Variants in CCDC47 observed in about 807,000 individuals in gnomAD.
CCDC47 encodes the protein coiled-coil domain containing 47.
In CCDC47, 41 loss-of-function variants were observed where a neutral mutation model predicts 60.5. The observed-to-expected ratio is 0.68, with a 90% CI of 0.53 to 0.88. The LOEUF is 0.88. Ranked by LOEUF, CCDC47 falls within the 40% of genes least tolerant of loss-of-function variation. CCDC47 has a pLI of 0.00. For missense variants in CCDC47, 513 were observed against 580.9 expected, an observed-to-expected ratio of 0.88 and a Z score of 1.20; for synonymous variants, 195 against 190.7, an observed-to-expected ratio of 1.02 and a Z score of -0.18.
At chr17:63,769,053 T>C (rs973654274) in intron 1 of CCDC47, among the ~76,000 whole-genome samples, 2 of 148,392 alleles carry the variant, frequency 1.3e-5, no homozygotes, top group Non-Finnish European at 3.0e-5. Flanking sequence ...CACTGCACTC[T>C]AGCCCGGGTG....
In CCDC47 at chr17:63,746,704, G is replaced by GT; in HGVS notation, c.*176dup. 1 of 472,340 alleles carries GT rather than the reference G, an allele frequency of 2.1e-6. No homozygotes were observed. The highest frequency in any genetic ancestry group is 3.1e-5 in the East Asian group (1 of 31,996). The allele number at this position is 472,340 out of a possible 1,614,324, so 29.3% of individuals were successfully genotyped here. On this transcript the variant is annotated 3_prime_UTR_variant, in exon 13 of 13. Coordinates refer to ENST00000225726, the MANE Select transcript of CCDC47 (RefSeq NM_020198.3). ...ATTCTTGAAACAGAGCCCTTTCCAG[G>GT]TATCTTCAATCTCTGTAAAACCCCA...
intron 4 of CCDC47, chr17:63,761,696 CAAA>C (rs11429721): frequency 1.3e-4 from 33 of 261,170 alleles, no homozygotes; most frequent in Non-Finnish European, 1.8e-4. Context: ...GACTCTGTCT[CAAA>C]AAAAAAAAAA....
At chr17:63,763,001 A>C (rs898830482) in intron 4 of CCDC47, among the ~76,000 whole-genome samples, 1 of 152,186 alleles carries the variant, frequency 6.6e-6, no homozygotes, top group Non-Finnish European at 1.5e-5. Flanking sequence ...GTACCACTGC[A>C]GCCTCAAACT....
At chr17:63,758,827 G>A (rs952459113) in intron 6 of CCDC47, among the ~76,000 whole-genome samples, 4 of 152,012 alleles carry the variant, frequency 2.6e-5, no homozygotes, top group Non-Finnish European at 2.9e-5. Context: ...AAAAGAAAAC[G>A]TTTTCTGCTC....
chr17:63,765,603 G>A, intron 2 of CCDC47: 1 of 747,552 alleles, frequency 1.3e-6, no homozygotes, highest in Non-Finnish European at 1.6e-6. Flanking sequence ...GCCTCCCAAA[G>A]TGCTGGGATT....
intron 8 of CCDC47, 106 bp downstream of exon 8, chr17:63,756,134 A>T: frequency 1.4e-6 from 1 of 731,928 alleles, no homozygotes. Flanking sequence ...AGGAATGTAA[A>T]ACTAATACAT....
chr17:63,748,168 T>TG (rs987828892), intron 12 of CCDC47, among the ~76,000 whole-genome samples: 3 of 151,840 alleles, frequency 2.0e-5, no homozygotes, highest in Non-Finnish European at 4.4e-5. Flanking sequence ...TTTTTTTTTT[T>TG]GTTTGTGTTT....
In CCDC47 at chr17:63,759,560, T is replaced by A. The variant is rs867418774; in HGVS notation, c.735+1354A>T. On this transcript the variant is annotated intron_variant, in intron 6 of 12. Transcript: ENST00000225726. The stretch of plus-strand genomic sequence containing the variant: ...ATATATATATATATATATATATATA[T>A]ATATATATATATATATAAAACAATG... Among the ~76,000 whole-genome samples, 201 of 61,478 alleles carry A rather than the reference T, an allele frequency of 3.3e-3. 29 individuals are homozygous for A. Among genetic ancestry groups the A allele is most frequent in the East Asian group, 6.8e-3 (15 of 2,190 alleles). 40.3% of individuals were successfully genotyped at this position (61,478 alleles called of 152,430 possible). A position where few individuals can be genotyped will look rare whatever the true frequency, so the allele number is the denominator to read the frequency against.
rs1293153091 is a variant in CCDC47 at position 63,751,800 on chromosome 17, G to GTGT, written c.1371+137_1371+139dup. 4.3e-5 allele frequency: 39 copies of GTGT among 900,272 alleles called. No individual in the cohort carries two copies. In the East Asian group the frequency reaches 9.4e-4, roughly 22 times the overall value. 55.8% of individuals were successfully genotyped at this position (900,272 alleles called of 1,614,324 possible). Reference sequence around the variant, plus strand: ...GAAGGATTATTTATTCTTCTTTATAGTGTTATCAATTGATACAATGTCCCA... The same window carrying GTGT: ...GAAGGATTATTTATTCTTCTTTATAGTGTTGTTATCAATTGATACAATGTCCCA... On this transcript the variant is annotated intron_variant, in intron 12 of 12. Transcript: ENST00000225726.
chr17:63,766,023 A>G lies in CCDC47; in HGVS notation c.153T>C (p.Thr51=). The change falls in exon 2 of 13, where the codon ACT becomes ACC. Residue 51 remains threonine (T), a synonymous_variant. Coordinates refer to ENST00000225726, the MANE Select transcript of CCDC47 (RefSeq NM_020198.3). ...TGATTATGACCCGTTGAGGAGATTC[A>G]GTAACAGAGTCTTCCATGACATCCT... ...EFEDVMEDSV[T]ESPQRVIITE... is the part of the protein sequence containing the mutation. 1 of 1,614,054 alleles carries G rather than the reference A, an allele frequency of 6.2e-7. No individual in the cohort carries two copies. The highest frequency in any genetic ancestry group is 8.5e-7 in the Non-Finnish European group (1 of 1,179,946).
intron 1 of CCDC47, among the ~76,000 whole-genome samples, chr17:63,767,209 A>C (rs2039303947): frequency 6.6e-6 from 1 of 152,200 alleles, no homozygotes; most frequent in Non-Finnish European, 1.5e-5. Flanking sequence ...GCTGCATCTC[A>C]AATGTGGTAG....
intron 1 of CCDC47, among the ~76,000 whole-genome samples, chr17:63,769,872 A>T (rs2039324236): frequency 6.6e-6 from 1 of 152,120 alleles, no homozygotes; most frequent in Admixed American, 6.5e-5. Context: ...TGGGTTGGAC[A>T]AGCTTGGTTT....
Position 63,752,377 on chromosome 17 carries a change from C to T in CCDC47, c.1146G>A (p.Leu382=). The T allele has an allele frequency of 6.2e-7, 1 of 1,614,006 alleles. No homozygotes were observed. The highest frequency in any genetic ancestry group is 1.1e-5 in the South Asian group (1 of 91,076). ...YPKDMEALLP[L]MNMVIYSIDK... ...CAATAGAATAAATCACCATGTTCAT[C>T]AGGGGTAGCAGTGCCTCCATATCCT... Residue 382 remains leucine (L), a synonymous_variant, in exon 11 of 13, where the codon CTG becomes CTA. Transcript: ENST00000225726.
rs755243004 is a variant in CCDC47 at position 63,766,215 on chromosome 17, C to T, written c.-19-21G>A. ...AAAAGCTTAAAAAAAAAGAGAACCC[C>T]AAAATGGATTGCCATTCTATACATA... On this transcript the variant is annotated intron_variant, in intron 1 of 12. Coordinates refer to ENST00000225726, the MANE Select transcript of CCDC47 (RefSeq NM_020198.3). 58 of 1,576,928 alleles carry T rather than the reference C, an allele frequency of 3.7e-5. 1 individual carries two copies. The highest frequency in any genetic ancestry group is 4.8e-5 in the Non-Finnish European group (56 of 1,167,284).
At chr17:63,756,130 G>A in intron 8 of CCDC47, 110 bp downstream of exon 8, 2 of 711,344 alleles carry the variant, frequency 2.8e-6, no homozygotes, top group Middle Eastern at 3.6e-4. Context: ...GGAAAGGAAT[G>A]TAAAACTAAT....
At position 63,746,933 on chromosome 17, in the gene CCDC47, T is replaced by C; in HGVS notation, c.1400A>G (p.Lys467Arg). 1 of 1,613,706 alleles carries C rather than the reference T, an allele frequency of 6.2e-7. No individual in the cohort carries two copies. Among genetic ancestry groups the C allele is most frequent in the Non-Finnish European group, 8.5e-7 (1 of 1,179,802 alleles). ...EEAALRREQKKLEKKQMKMKQ... is the reference protein window; with the variant it reads ...EEAALRREQKRLEKKQMKMKQ... ...CATTTTCATTTGCTTCTTTTCCAAC[T>C]TCTTTTGCTCACGCCTCAATGCAGC... The change falls in exon 13 of 13, where the codon AAG becomes AGG. Residue 467 changes from lysine (K) to arginine (R), a missense_variant. By Grantham distance (26) the Lys-to-Arg change is conservative. Coordinates refer to ENST00000225726, the MANE Select transcript of CCDC47 (RefSeq NM_020198.3).
At chr17:63,753,604 G>T in intron 9 of CCDC47, 2 of 975,396 alleles carry the variant, frequency 2.1e-6, no homozygotes. Context: ...TGAATTCAAA[G>T]AACAAATCCA....
At chr17:63,766,245 T>C in intron 1 of CCDC47, 51 bp from the exon 2 acceptor site, 2 of 1,500,554 alleles carry the variant, frequency 1.3e-6, no homozygotes, top group Non-Finnish European at 1.8e-6. Context: ...TACATACTGA[T>C]CAGATTTTAT....
chr17:63,750,455 C>A (rs1369720316), intron 12 of CCDC47, among the ~76,000 whole-genome samples: 1 of 152,188 alleles, frequency 6.6e-6, no homozygotes, highest in African/African-American at 2.4e-5. Flanking sequence ...ATTAATGACA[C>A]TGCTGTCAAA....
Sources: allele counts gnomAD v4.1 joint callset (sites outside exome capture counted in the v4.1 genomes callset), GRCh38; gene constraint gnomAD v4.1.1; transcripts MANE v1.5; gene names NCBI Gene and HGNC (gene_info 2026-07-23, HGNC 2026-07-21).